OSTC: variants seen among roughly 807,000 people sequenced by gnomAD.
The protein encoded by OSTC is oligosaccharyltransferase complex subunit OSTC.
A neutral mutation model predicts 16.4 loss-of-function variants in OSTC; 16 were observed. The observed-to-expected ratio is 0.98, with a 90% CI of 0.66 to 1.49. The LOEUF (loss-of-function observed/expected upper bound fraction) is 1.49, where lower values mean the gene tolerates loss of function less well. Among genes scored for constraint, OSTC ranks in the 40% most tolerant of loss-of-function variants. The probability of loss-of-function intolerance (pLI) is 0.00; values close to 1 mark genes in which losing one functional copy is unlikely to be tolerated. For missense variants in OSTC, 139 were observed against 186.3 expected (o/e 0.75, Z 1.48); for synonymous variants, 67 against 68.5 (o/e 0.98, Z 0.11).
At position 108,657,528 on chromosome 4, in the gene OSTC, G is replaced by A; in HGVS notation, c.312G>A (p.Leu104=). 6.2e-7 allele frequency: 1 copy of A among 1,613,578 alleles called. No individual in the cohort carries two copies. ...TGGGAGGTTTAGGTTTCATAATCCT[G>A]GACCGATCGAATGCACCAAATATCC... ...FTMGGLGFII[L]DRSNAPNIPK... Residue 104 remains leucine, a synonymous_variant, in exon 3 of 4, where the codon CTG becomes CTA. Coordinates refer to ENST00000361564, the MANE Select transcript of OSTC (RefSeq NM_021227.4).
chr4:108,661,024 C>G (rs1479787181), intron 3 of OSTC, among the ~76,000 whole-genome samples: 12 of 151,872 alleles, frequency 7.9e-5, no homozygotes, highest in African/African-American at 2.9e-4. Context: ...CAAGACCAGC[C>G]TGGTCAACGT....
intron 2 of OSTC, among the ~76,000 whole-genome samples, chr4:108,656,440 T>C (rs542371622): frequency 6.3e-4 from 94 of 148,852 alleles, no homozygotes; most frequent in African/African-American, 2.3e-3. Flanking sequence ...ATATTGTGTT[T>C]TCAATGAAAA....
At chr4:108,658,425 T>TTGTGTGTG (rs77284877) in intron 3 of OSTC, among the ~76,000 whole-genome samples, 24,099 of 149,942 alleles carry the variant, frequency 0.16, 2,045 homozygotes, top group Admixed American at 0.26. Flanking sequence ...ATTTATATAT[T>TTGTGTGTG]TGTGTGTGTG....
At chr4:108,651,859 AGAGCT>A (rs1726561924) in intron 1 of OSTC, among the ~76,000 whole-genome samples, 1 of 152,232 alleles carries the variant, frequency 6.6e-6, no homozygotes, top group Non-Finnish European at 1.5e-5. Context: ...TCAAACTGAG[AGAGCT>A]GAGTTCTAGA....
intron 2 of OSTC, among the ~76,000 whole-genome samples, chr4:108,657,163 T>C (rs1726730547): frequency 6.6e-6 from 1 of 152,212 alleles, no homozygotes; most frequent in Non-Finnish European, 1.5e-5. Context: ...AGTTGAGGTT[T>C]TACGACATTT....
chr4:108,659,071 C>T (rs1578340137), intron 3 of OSTC, among the ~76,000 whole-genome samples: 2 of 151,448 alleles, frequency 1.3e-5, no homozygotes, highest in East Asian at 1.9e-4. Flanking sequence ...CTCCGCCTCC[C>T]AGGTTCAAGA....
chr4:108,662,769 T>A (rs760769825), intron 3 of OSTC, among the ~76,000 whole-genome samples: 1 of 152,216 alleles, frequency 6.6e-6, no homozygotes, highest in Non-Finnish European at 1.5e-5. Flanking sequence ...TGGAGCTATA[T>A]TTTAGAGAGT....
At chr4:108,665,487 G>A (rs938310839) in intron 3 of OSTC, among the ~76,000 whole-genome samples, 12 of 121,410 alleles carry the variant, frequency 9.9e-5, no homozygotes, top group Non-Finnish European at 1.7e-4. Context: ...TTGCACTGTT[G>A]CCCAGGCTGG....
At position 108,657,463 on chromosome 4, in the gene OSTC, T is replaced by C; in HGVS notation, c.247T>C (p.Tyr83His). Residue 83 changes from tyrosine (Y) to histidine (H), a missense_variant, in exon 3 of 4, where the codon TAT becomes CAT. Tyr to His is a moderately conservative substitution (Grantham distance 83). Coordinates refer to ENST00000361564, the MANE Select transcript of OSTC (RefSeq NM_021227.4). ...AFLAYRVNGQ[Y>H]IMEGLASSFL... ...TTTCTTTTCCAGAGTAAATGGACAA[T>C]ATATTATGGAAGGACTTGCATCCAG... The C allele has an allele frequency of 6.2e-7, 1 of 1,610,964 alleles. No individual in the cohort carries two copies. The highest frequency in any genetic ancestry group is 8.5e-7 in the Non-Finnish European group (1 of 1,177,318).
chr4:108,662,057 C>G (rs1468651581), intron 3 of OSTC, among the ~76,000 whole-genome samples: 5 of 152,184 alleles, frequency 3.3e-5, no homozygotes, highest in African/African-American at 1.2e-4. Context: ...GAAATAGATA[C>G]TATCAGATAA....
chr4:108,657,477 A>G lies in OSTC; in HGVS notation c.261A>G (p.Gly87=), dbSNP rs531661761. 6.2e-7 allele frequency: 1 copy of G among 1,613,108 alleles called. No homozygotes were observed. The highest frequency in any genetic ancestry group is 1.1e-5 in the South Asian group (1 of 91,046). Residue 87 remains glycine, a synonymous_variant, in exon 3 of 4, where the codon GGA becomes GGG. Coordinates refer to ENST00000361564, the MANE Select transcript of OSTC (RefSeq NM_021227.4). ...TAAATGGACAATATATTATGGAAGG[A>G]CTTGCATCCAGCTTCCTATTTACAA... ...YRVNGQYIME[G]LASSFLFTMG... is the part of the protein sequence containing the mutation.
chr4:108,657,328 TA>T, intron 2 of OSTC, 121 bp from the exon 3 acceptor site: 3 of 807,234 alleles, frequency 3.7e-6, no homozygotes, highest in Non-Finnish European at 5.8e-6. Flanking sequence ...AAAATAGTTG[TA>T]AGGCTAAGAA....
chr4:108,655,273 C>G (rs1009832672), intron 1 of OSTC, among the ~76,000 whole-genome samples: 1 of 152,116 alleles, frequency 6.6e-6, no homozygotes, highest in African/African-American at 2.4e-5. Context: ...CGAGACCAGC[C>G]TGACCAATAT....
chr4:108,664,759 A>G (rs1051206968), intron 3 of OSTC, among the ~76,000 whole-genome samples: 5 of 151,990 alleles, frequency 3.3e-5, no homozygotes, highest in East Asian at 1.9e-4. Context: ...ACACCCAGGT[A>G]ATTTTTGTAT....
At chr4:108,665,533 G>T (rs1450336076) in intron 3 of OSTC, among the ~76,000 whole-genome samples, 1 of 125,950 alleles carries the variant, frequency 7.9e-6, no homozygotes, top group African/African-American at 2.8e-5. Context: ...AGGATGTTTT[G>T]TGTTTTGTTT....
At chr4:108,653,427 A>C (rs1374376623) in intron 1 of OSTC, among the ~76,000 whole-genome samples, 1 of 152,214 alleles carries the variant, frequency 6.6e-6, no homozygotes. Flanking sequence ...GGCAAATGTG[A>C]GACCAAAAGA....
rs1030356823 is a variant in OSTC at position 108,654,129 on chromosome 4, G to A, written c.140-1435G>A. ...AAACTGGATTGAGTGCTTCTGAGAA[G>A]TCCCCTAAGATGAGAACTGAAAAGT... On this transcript the variant is annotated intron_variant, in intron 1 of 3. Transcript: ENST00000361564. 4.6e-5 allele frequency among the ~76,000 whole-genome samples: 7 copies of A among 152,184 alleles called. No individual in the cohort carries two copies. In the East Asian group the frequency reaches 1.3e-3, roughly 29 times the overall value.
At chr4:108,664,763 T>G (rs1726952441) in intron 3 of OSTC, among the ~76,000 whole-genome samples, 1 of 152,036 alleles carries the variant, frequency 6.6e-6, no homozygotes, top group Non-Finnish European at 1.5e-5. Context: ...CCAGGTAATT[T>G]TTGTATTTTT....
chr4:108,650,881 C>T, intron 1 of OSTC, 87 bp downstream of exon 1: 3 of 1,578,972 alleles, frequency 1.9e-6, no homozygotes, highest in Non-Finnish European at 2.6e-6. Context: ...ACTCTCAGCC[C>T]CGGGGGAAGC....
Sources: gnomAD v4.1 joint callset for allele counts (sites outside exome capture counted in the v4.1 genomes callset) on GRCh38, gnomAD v4.1.1 for gene constraint, MANE v1.5 for transcripts, NCBI Gene and HGNC (gene_info 2026-07-23, HGNC 2026-07-21) for gene names.